NXPE2: variants seen among roughly 807,000 people sequenced by gnomAD.
NXPE2 encodes NXPE family member 2.
A neutral mutation model predicts 34.4 loss-of-function variants in NXPE2; 34 were observed. That is an observed-to-expected ratio of 0.99 (90% CI 0.75 to 1.31). NXPE2 has a LOEUF of 1.31. NXPE2 is among the 40% of genes most tolerant of loss of function. NXPE2 has a pLI of 0.00. For synonymous variants in NXPE2, 235 were observed against 231.3 expected (o/e 1.02, Z -0.15); for missense variants, 649 against 672.5 (o/e 0.97, Z 0.39).
the NXPE2 span, among the ~76,000 whole-genome samples, chr11:114,762,393 C>T: frequency 6.6e-6 from 1 of 152,082 alleles, no homozygotes; most frequent in Admixed American, 6.5e-5. Context: ...GTCTGTGAGG[C>T]AATGAGGCTT....
the NXPE2 span, among the ~76,000 whole-genome samples, chr11:114,810,643 A>G: frequency 2.0e-5 from 3 of 152,024 alleles, no homozygotes; most frequent in East Asian, 3.9e-4. Flanking sequence ...ATGAGATACC[A>G]TCTCACACCA....
the NXPE2 span, among the ~76,000 whole-genome samples, chr11:114,730,233 G>C: frequency 1.4e-4 from 21 of 151,728 alleles, no homozygotes; most frequent in Admixed American, 3.3e-4. Flanking sequence ...TTTATTTCTG[G>C]GTTCTCTATT....
At chr11:114,730,378 C>T in the NXPE2 span, among the ~76,000 whole-genome samples, 1 of 151,950 alleles carries the variant, frequency 6.6e-6, no homozygotes. Context: ...GCTTTGGCTA[C>T]TTGGGCTCTT....
At chr11:114,684,246 T>C (rs1215584315) in intron 2 of NXPE2, among the ~76,000 whole-genome samples, 1 of 151,794 alleles carries the variant, frequency 6.6e-6, no homozygotes, top group Non-Finnish European at 1.5e-5. Flanking sequence ...GCTAACACGG[T>C]GAAACCCCAT....
chr11:114,650,453 T>G, the NXPE2 span, among the ~76,000 whole-genome samples: 1 of 152,130 alleles, frequency 6.6e-6, no homozygotes, highest in Non-Finnish European at 1.5e-5. Flanking sequence ...TCCTATTTGG[T>G]GCAGGCATGA....
At chr11:114,495,372 C>A in the NXPE2 span, among the ~76,000 whole-genome samples, 3 of 151,798 alleles carry the variant, frequency 2.0e-5, no homozygotes, top group South Asian at 2.1e-4. Flanking sequence ...TAGTTGAGAA[C>A]CTTAGTGCTC....
At chr11:114,624,126 C>A in the NXPE2 span, among the ~76,000 whole-genome samples, 1 of 151,884 alleles carries the variant, frequency 6.6e-6, no homozygotes, top group Non-Finnish European at 1.5e-5. Context: ...ACCACTGTTA[C>A]CCATTGTAAA....
the NXPE2 span, among the ~76,000 whole-genome samples, chr11:114,756,189 A>C: frequency 6.6e-6 from 1 of 152,128 alleles, no homozygotes; most frequent in Non-Finnish European, 1.5e-5. Flanking sequence ...TATTCCATGG[A>C]GAATGAGATA....
At chr11:114,482,404 C>T in the NXPE2 span, among the ~76,000 whole-genome samples, 1 of 152,096 alleles carries the variant, frequency 6.6e-6, no homozygotes, top group African/African-American at 2.4e-5. Context: ...TCAGTGTTAC[C>T]CTGAGTACTC....
At chr11:114,579,823 C>A in the NXPE2 span, among the ~76,000 whole-genome samples, 1 of 152,128 alleles carries the variant, frequency 6.6e-6, no homozygotes, top group Non-Finnish European at 1.5e-5. Flanking sequence ...GTTCTAGAAG[C>A]TGGACAATTT....
the NXPE2 span, among the ~76,000 whole-genome samples, chr11:114,638,605 T>C: frequency 6.6e-6 from 1 of 152,054 alleles, no homozygotes; most frequent in Non-Finnish European, 1.5e-5. Flanking sequence ...TTTATCTACT[T>C]TTGTCTTTGA....
chr11:114,776,206 A>G, the NXPE2 span, among the ~76,000 whole-genome samples: 1 of 152,332 alleles, frequency 6.6e-6, no homozygotes, highest in Admixed American at 6.5e-5. Flanking sequence ...GCATCCTCTG[A>G]TCCAGCGGCC....
At chr11:114,711,311 A>G (rs967554237), downstream of NXPE2, among the ~76,000 whole-genome samples, 3 of 152,112 alleles carry the variant, frequency 2.0e-5, no homozygotes, top group Middle Eastern at 3.2e-3. Context: ...AAAGACACAC[A>G]ATTGGAAAAG....
At chr11:114,636,106 G>A in the NXPE2 span, among the ~76,000 whole-genome samples, 21 of 126,470 alleles carry the variant, frequency 1.7e-4, no homozygotes, top group South Asian at 2.7e-4. Flanking sequence ...GGACTCTTTC[G>A]TTGGTAAGCT....
intron 2 of NXPE2, among the ~76,000 whole-genome samples, 177 bp downstream of exon 2, chr11:114,679,939 A>G (rs1457997712): frequency 1.3e-5 from 2 of 152,122 alleles, no homozygotes; most frequent in Non-Finnish European, 2.9e-5. Flanking sequence ...TATTATTACT[A>G]TTTTAAATGG....
At chr11:114,546,920 C>T in the NXPE2 span, among the ~76,000 whole-genome samples, 1 of 151,916 alleles carries the variant, frequency 6.6e-6, no homozygotes, top group South Asian at 2.1e-4. Flanking sequence ...GGATTATGTC[C>T]CAAAGTATGA....
the NXPE2 span, among the ~76,000 whole-genome samples, chr11:114,493,779 C>T: frequency 6.6e-6 from 1 of 151,884 alleles, no homozygotes; most frequent in Non-Finnish European, 1.5e-5. Context: ...CTGTATTTTT[C>T]TGTGTTTTTA....
the NXPE2 span, chr11:114,530,235 A>G: frequency 6.2e-7 from 1 of 1,614,030 alleles, no homozygotes; most frequent in Non-Finnish European, 8.5e-7. Flanking sequence ...CCGGGTGGTC[A>G]TGTAGGTCAG....
chr11:114,792,843 A>C, the NXPE2 span, among the ~76,000 whole-genome samples: 1 of 152,212 alleles, frequency 6.6e-6, no homozygotes, highest in South Asian at 2.1e-4. Flanking sequence ...CAGTTCTGTG[A>C]GGTAGATATT....
Sources: gnomAD v4.1 joint callset for allele counts (sites outside exome capture counted in the v4.1 genomes callset) on GRCh38, gnomAD v4.1.1 for gene constraint, MANE v1.5 for transcripts, NCBI Gene and HGNC (gene_info 2026-07-23, HGNC 2026-07-21) for gene names.